The following PARD3 variants were observed in gnomAD, a reference collection of about 807,000 sequenced individuals.
PARD3 encodes par-3 family cell polarity regulator.
PARD3 carries 75 observed loss-of-function variants against 155.4 expected under a neutral mutation model. The observed-to-expected ratio is 0.48, with a 90% CI of 0.40 to 0.58. The LOEUF (loss-of-function observed/expected upper bound fraction) is 0.58. Among genes scored for constraint, PARD3 ranks in the 20% least tolerant of loss-of-function variants. The pLI is 0.00. For synonymous variants in PARD3, 576 were observed against 610.5 expected, an observed-to-expected ratio of 0.94 and a Z score of 0.83; for missense variants, 1,642 against 1,721.7, an observed-to-expected ratio of 0.95 and a Z score of 0.82.
intron 22 of PARD3, among the ~76,000 whole-genome samples, chr10:34,183,084 C>A (rs549743243): frequency 6.6e-6 from 1 of 152,328 alleles, no homozygotes; most frequent in Non-Finnish European, 1.5e-5. Context: ...TGGGGGATAA[C>A]CCCCAAGTCT....
chr10:34,649,043 T>C (rs942411542), intron 2 of PARD3, among the ~76,000 whole-genome samples: 17 of 152,172 alleles, frequency 1.1e-4, no homozygotes, highest in African/African-American at 4.1e-4. Context: ...GATGGATTTA[T>C]AGCCCCAAAA....
chr10:34,662,871 G>GA (rs568672135), intron 2 of PARD3, among the ~76,000 whole-genome samples: 2,953 of 123,538 alleles, frequency 0.024, 124 homozygotes, highest in African/African-American at 0.079. Flanking sequence ...AACTGTCTCA[G>GA]AAAAAAAAAA....
chr10:34,350,883 T>A (rs528411094), intron 14 of PARD3, among the ~76,000 whole-genome samples: 21 of 151,920 alleles, frequency 1.4e-4, no homozygotes, highest in Admixed American at 5.2e-4. Flanking sequence ...TCGGTAGGAG[T>A]GTAAAGTGAT....
intron 2 of PARD3, among the ~76,000 whole-genome samples, chr10:34,606,121 C>T (rs1392733401): frequency 7.0e-6 from 1 of 142,418 alleles, no homozygotes; most frequent in Non-Finnish European, 1.5e-5. Flanking sequence ...TACAGAACTA[C>T]ATATATCTAT....
intron 22 of PARD3, among the ~76,000 whole-genome samples, chr10:34,256,680 C>T (rs1343197889): frequency 6.6e-6 from 1 of 152,042 alleles, no homozygotes; most frequent in African/African-American, 2.4e-5. Context: ...CCCAAGACCC[C>T]CTATATAGTC....
Position 34,815,162 on chromosome 10 carries a change from TGCCCG to T in PARD3, c.-172_-168del, listed in dbSNP as rs1844749046. On this transcript the variant is annotated 5_prime_UTR_variant, in exon 1 of 25. Coordinates refer to ENST00000374788, the MANE Select transcript of PARD3 (RefSeq NM_001184785.2). ...ACGCCGGGGGGCCGCTCAGCTCGCA[TGCCCG>T]GCCCGGCCGCCCTCGCCTCGCCTCG... 1 of 183,962 alleles carries T rather than the reference TGCCCG, an allele frequency of 5.4e-6. No individual in the cohort carries two copies. Among genetic ancestry groups the T allele is most frequent in the Non-Finnish European group, 1.0e-5 (1 of 97,122 alleles). The allele number at this position is 183,962 out of a possible 1,614,324, so 11.4% of individuals were successfully genotyped here.
intron 1 of PARD3, among the ~76,000 whole-genome samples, chr10:34,738,895 T>G (rs1352876697): frequency 6.6e-6 from 1 of 152,212 alleles, no homozygotes; most frequent in Non-Finnish European, 1.5e-5. Flanking sequence ...TCTAAAATGT[T>G]TAGAGCACAT....
At chr10:34,120,779 G>A (rs1199006972) in intron 23 of PARD3, among the ~76,000 whole-genome samples, 2 of 152,210 alleles carry the variant, frequency 1.3e-5, no homozygotes, top group African/African-American at 2.4e-5. Flanking sequence ...ATTTACCTAA[G>A]TTAATCATCC....
chr10:34,260,884 T>C (rs1352182361), intron 22 of PARD3, among the ~76,000 whole-genome samples: 6 of 152,224 alleles, frequency 3.9e-5, no homozygotes, highest in African/African-American at 1.4e-4. Flanking sequence ...TTTTGTTCTG[T>C]GTTTGCCAGG....
At chr10:34,553,061 G>C (rs1310082660) in intron 2 of PARD3, among the ~76,000 whole-genome samples, 1 of 152,152 alleles carries the variant, frequency 6.6e-6, no homozygotes, top group African/African-American at 2.4e-5. Context: ...CTATGTGATT[G>C]TACTTAAGGA....
intron 22 of PARD3, among the ~76,000 whole-genome samples, chr10:34,155,866 C>G (rs1156601191): frequency 3.3e-5 from 5 of 152,086 alleles, no homozygotes; most frequent in Admixed American, 2.0e-4. Flanking sequence ...AGGCAGGAGG[C>G]AGATGCAACA....
chr10:34,418,686 C>T (rs1442106414), intron 5 of PARD3, among the ~76,000 whole-genome samples: 1 of 152,180 alleles, frequency 6.6e-6, no homozygotes, highest in Non-Finnish European at 1.5e-5. Flanking sequence ...CTTCAAATCA[C>T]TGTAGTTGAC....
intron 22 of PARD3, among the ~76,000 whole-genome samples, chr10:34,227,886 T>TATATATATATATA (rs1564499942): frequency 9.5e-5 from 6 of 62,924 alleles, no homozygotes; most frequent in Non-Finnish European, 1.9e-4. Context: ...ATATATATAC[T>TATATATATATATA]GGGAATATAT....
At chr10:34,689,563 T>C (rs1176818281) in intron 2 of PARD3, among the ~76,000 whole-genome samples, 1 of 152,240 alleles carries the variant, frequency 6.6e-6, no homozygotes, top group East Asian at 1.9e-4. Context: ...TGGAAACTGA[T>C]TTCAATCAAC....
chr10:34,505,146 T>C (rs940063740), intron 3 of PARD3, among the ~76,000 whole-genome samples: 2 of 152,262 alleles, frequency 1.3e-5, no homozygotes, highest in African/African-American at 4.8e-5. Context: ...TTACTACCAT[T>C]TGGAAATGGG....
At chr10:34,601,669 G>C (rs1222692554) in intron 2 of PARD3, among the ~76,000 whole-genome samples, 1 of 152,112 alleles carries the variant, frequency 6.6e-6, no homozygotes, top group Non-Finnish European at 1.5e-5. Context: ...AGCACAGCTT[G>C]TTTCTCCAAT....
intron 5 of PARD3, among the ~76,000 whole-genome samples, chr10:34,426,054 G>T (rs1479895422): frequency 6.6e-6 from 1 of 152,008 alleles, no homozygotes; most frequent in Non-Finnish European, 1.5e-5. Context: ...CAATACTAAA[G>T]AAATATTTAA....
chr10:34,183,884 C>G (rs1386221413), intron 22 of PARD3, among the ~76,000 whole-genome samples: 2 of 152,212 alleles, frequency 1.3e-5, no homozygotes, highest in Non-Finnish European at 2.9e-5. Context: ...GGCATGAAAC[C>G]AAGAACCCTG....
chr10:34,491,744 C>G lies in PARD3; in HGVS notation c.404-21481G>C, dbSNP rs115990815. On this transcript the variant is annotated intron_variant, in intron 3 of 24. Coordinates refer to ENST00000374788, the MANE Select transcript of PARD3 (RefSeq NM_001184785.2). ...GCTTTTTAATTGAGGAGATAAAGCA[C>G]TTTAATATTGATAAAATGTTTCTGT... 7.8e-3 allele frequency among the ~76,000 whole-genome samples: 1,188 copies of G among 152,268 alleles called. 20 individuals carry two copies. The highest frequency in any genetic ancestry group is 0.028 in the African/African-American group (1,144 of 41,564).
Sources: allele counts gnomAD v4.1 joint callset (sites outside exome capture counted in the v4.1 genomes callset), GRCh38; gene constraint gnomAD v4.1.1; transcripts MANE v1.5; gene names NCBI Gene and HGNC (gene_info 2026-07-23, HGNC 2026-07-21).